Variants in NELL2 observed in about 807,000 individuals in gnomAD.
NELL2 encodes the protein protein kinase C-binding protein NELL2.
Under a neutral mutation model 109.6 loss-of-function variants are expected in NELL2, and 41 were observed. The ratio of observed to expected loss-of-function variants is 0.37; its 90% confidence interval spans 0.29 to 0.49. The LOEUF is 0.49. Ranked by LOEUF, NELL2 falls within the 20% of genes least tolerant of loss-of-function variation. The pLI is 0.98. For missense variants in NELL2, 900 were observed against 1,008.3 expected (o/e 0.89, Z 1.45); for synonymous variants, 355 against 344.7 (o/e 1.03, Z -0.33).
At chr12:44,642,977 C>A (rs1033749463) in intron 13 of NELL2, among the ~76,000 whole-genome samples, 1 of 152,180 alleles carries the variant, frequency 6.6e-6, no homozygotes, top group Non-Finnish European at 1.5e-5. Flanking sequence ...GATACATACC[C>A]TTCCACACAT....
At chr12:44,849,718 A>G (rs1002181008) in intron 2 of NELL2, among the ~76,000 whole-genome samples, 2 of 152,230 alleles carry the variant, frequency 1.3e-5, no homozygotes, top group African/African-American at 4.8e-5. Context: ...TATTCATAAT[A>G]GCCAAAGACT....
chr12:44,598,854 TACACACACAC>T lies in NELL2; in HGVS notation c.1663+8305_1663+8314del, dbSNP rs754118280. 1.9e-4 allele frequency among the ~76,000 whole-genome samples: 22 copies of T among 118,498 alleles called. No individual in the cohort carries two copies. The South Asian group carries it at 5.8e-3, about 31-fold the overall frequency. The allele number at this position is 118,498 out of a possible 152,430, so 77.7% of individuals were successfully genotyped here. Reference sequence around the variant, plus strand: ...CCTCAGTTTAAGAGTAAGAAAGAAATACACACACACACACACACACACACACACACTCTCT... The same window carrying T: ...CCTCAGTTTAAGAGTAAGAAAGAAATACACACACACACACACACACTCTCT... On this transcript the variant is annotated intron_variant, in intron 15 of 19. Coordinates refer to ENST00000429094, the MANE Select transcript of NELL2 (RefSeq NM_001145108.2).
intron 12 of NELL2, among the ~76,000 whole-genome samples, chr12:44,694,389 T>C (rs1296643950): frequency 6.6e-6 from 1 of 152,104 alleles, no homozygotes; most frequent in African/African-American, 2.4e-5. Context: ...ACTGAAACTA[T>C]ACCACTGGCT....
intron 9 of NELL2, among the ~76,000 whole-genome samples, chr12:44,745,645 T>C (rs1193435559): frequency 6.6e-6 from 1 of 151,722 alleles, no homozygotes; most frequent in African/African-American, 2.4e-5. Context: ...CAAGCATTCT[T>C]ATACACCAAT....
intron 2 of NELL2, among the ~76,000 whole-genome samples, chr12:44,871,913 T>C (rs188814125): frequency 6.6e-6 from 1 of 152,350 alleles, no homozygotes; most frequent in Non-Finnish European, 1.5e-5. Flanking sequence ...TAAAATCTGT[T>C]AACACTTCAG....
intron 9 of NELL2, among the ~76,000 whole-genome samples, chr12:44,739,153 C>A (rs545827799): frequency 6.6e-6 from 1 of 152,224 alleles, no homozygotes; most frequent in African/African-American, 2.4e-5. Context: ...CCAAGGGTTG[C>A]CTCTCATAGC....
At chr12:44,518,724 G>C (rs937574711) in intron 19 of NELL2, among the ~76,000 whole-genome samples, 2 of 152,230 alleles carry the variant, frequency 1.3e-5, no homozygotes, top group Admixed American at 1.3e-4. Flanking sequence ...GGGTGTAAGA[G>C]GACTCAACTC....
chr12:44,742,768 A>C (rs1940066332), intron 9 of NELL2, among the ~76,000 whole-genome samples: 1 of 152,212 alleles, frequency 6.6e-6, no homozygotes, highest in Non-Finnish European at 1.5e-5. Context: ...AATAAAAAGA[A>C]ATGAACAAAG....
intron 14 of NELL2, 140 bp downstream of exon 14, chr12:44,610,708 C>T: frequency 8.6e-7 from 1 of 1,161,816 alleles, no homozygotes; most frequent in Non-Finnish European, 1.2e-6. Flanking sequence ...GAGGGAAAGA[C>T]TATGAGCCAC....
chr12:44,582,441 T>A (rs553417204), intron 15 of NELL2, among the ~76,000 whole-genome samples: 23 of 152,274 alleles, frequency 1.5e-4, no homozygotes, highest in African/African-American at 5.3e-4. Context: ...GTGTTTAGAA[T>A]GATTAACCAA....
intron 2 of NELL2, among the ~76,000 whole-genome samples, chr12:44,867,274 C>A (rs983816762): frequency 6.6e-6 from 1 of 152,142 alleles, no homozygotes; most frequent in Admixed American, 6.6e-5. Flanking sequence ...TTAAAAGTAT[C>A]ATTCACCATG....
At chr12:44,515,392 T>C (rs1941216450) in intron 19 of NELL2, among the ~76,000 whole-genome samples, 1 of 151,894 alleles carries the variant, frequency 6.6e-6, no homozygotes, top group African/African-American at 2.4e-5. Flanking sequence ...AAATGGTCAA[T>C]TCAACAGAAG....
At chr12:44,515,808 C>T (rs1941234326) in intron 19 of NELL2, among the ~76,000 whole-genome samples, 1 of 151,854 alleles carries the variant, frequency 6.6e-6, no homozygotes, top group African/African-American at 2.4e-5. Context: ...AAGTCCTTGC[C>T]ACTCTTCATG....
At chr12:44,818,478 T>C (rs1943427132) in intron 2 of NELL2, among the ~76,000 whole-genome samples, 1 of 152,110 alleles carries the variant, frequency 6.6e-6, no homozygotes, top group South Asian at 2.1e-4. Flanking sequence ...GATGCTCAGA[T>C]CCGCAGAGAG....
intron 1 of NELL2, among the ~76,000 whole-genome samples, chr12:44,905,890 G>A (rs1945714722): frequency 6.6e-6 from 1 of 151,850 alleles, no homozygotes; most frequent in Non-Finnish European, 1.5e-5. Context: ...AATGAAAAAA[G>A]CAGACAAAAA....
chr12:44,707,980 A>T (rs965857438), intron 11 of NELL2, among the ~76,000 whole-genome samples: 2 of 152,258 alleles, frequency 1.3e-5, no homozygotes, highest in East Asian at 3.9e-4. Flanking sequence ...ATGAGTTGAG[A>T]TGAAGTAAAT....
At chr12:44,617,691 C>CAAAAAA (rs975070930) in intron 13 of NELL2, among the ~76,000 whole-genome samples, 163 of 21,044 alleles carry the variant, frequency 7.7e-3, no homozygotes, top group Non-Finnish European at 9.0e-3. Flanking sequence ...GACTCCGTCT[C>CAAAAAA]AAAAAAAAAA....
chr12:44,594,830 T>C (rs928239863), intron 15 of NELL2, among the ~76,000 whole-genome samples: 2 of 152,186 alleles, frequency 1.3e-5, no homozygotes, highest in Non-Finnish European at 2.9e-5. Context: ...TATACTTACA[T>C]ACCTTACAGT....
Position 44,776,094 on chromosome 12 carries a change from A to ATT in NELL2, c.818_819insAA (p.Cys274IlefsTer4). 6.2e-7 allele frequency: 1 copy of ATT among 1,614,036 alleles called. No homozygotes were observed. Among genetic ancestry groups the ATT allele is most frequent in the Non-Finnish European group, 8.5e-7 (1 of 1,179,978 alleles). On this transcript the variant is annotated frameshift_variant, in exon 8 of 20. Coordinates refer to ENST00000429094, the MANE Select transcript of NELL2 (RefSeq NM_001145108.2). LOFTEE classifies it high-confidence loss of function. ...GGTAGGTGGTTCCCTTCATGGTGCA[A>ATT]GTCCTTTCACAATAGCACTGATCCA...
Sources: allele counts gnomAD v4.1 joint callset (sites outside exome capture counted in the v4.1 genomes callset), GRCh38; gene constraint gnomAD v4.1.1; transcripts MANE v1.5; gene names NCBI Gene and HGNC (gene_info 2026-07-23, HGNC 2026-07-21).